Variants in COL2A1 observed in about 807,000 individuals in gnomAD.
The protein encoded by COL2A1 is collagen type II alpha 1 chain, also known as collagen alpha-1(II) chain.
In COL2A1, 28 loss-of-function variants were observed where a neutral mutation model predicts 204.5. The observed-to-expected ratio is 0.14, with a 90% CI of 0.10 to 0.19. COL2A1 has a LOEUF of 0.19. Among genes scored for constraint, COL2A1 ranks in the 10% least tolerant of loss-of-function variants. The probability of loss-of-function intolerance (pLI) is 1.00; values close to 1 mark genes in which losing one functional copy is unlikely to be tolerated. For missense variants in COL2A1, 1,388 were observed against 2,027.5 expected, an observed-to-expected ratio of 0.68 and a Z score of 6.06; for synonymous variants, 708 against 718.7, an observed-to-expected ratio of 0.99 and a Z score of 0.24.
chr12:47,985,698 G>C (rs1565681929), intron 25 of COL2A1, 30 bp downstream of exon 25: 1 of 1,612,564 alleles, frequency 6.2e-7, no homozygotes, highest in Non-Finnish European at 8.5e-7. Flanking sequence ...AGGGTCTGAA[G>C]CCAAGGGCAA....
chr12:47,982,355 A>G, intron 34 of COL2A1, 147 bp downstream of exon 34: 1 of 793,628 alleles, frequency 1.3e-6, no homozygotes, highest in East Asian at 2.6e-5. Flanking sequence ...AAAGGCAGGG[A>G]GCTTTGGAAA....
At position 47,997,924 on chromosome 12, in the gene COL2A1, C is replaced by T. The variant is rs1228023557; in HGVS notation, c.376G>A (p.Gly126Arg). 1.2e-6 allele frequency: 2 copies of T among 1,614,106 alleles called. No homozygotes were observed. Among genetic ancestry groups the T allele is most frequent in the Non-Finnish European group, 1.7e-6 (2 of 1,180,044 alleles). ...VGPKGPPGPQ[G>R]PAGEQGPRGD... ...CTGGGTCCTTGTTCCCCTGCAGGTCCCTGAAGGTGAAGAACATGGTAAGAT... is the reference window on the plus strand; with the variant it reads ...CTGGGTCCTTGTTCCCCTGCAGGTCTCTGAAGGTGAAGAACATGGTAAGAT... The change falls in exon 6 of 54, where the codon GGA (glycine) becomes AGA (arginine). Residue 126 changes from glycine to arginine, a missense_variant and splice_region_variant. This residue lies in a region of COL2A1 where 201 missense variants were observed against 242.4 expected (regional missense o/e 0.83). Transcript: ENST00000380518.
intron 53 of COL2A1, among the ~76,000 whole-genome samples, chr12:47,973,783 C>T (rs1938553007): frequency 6.6e-6 from 1 of 152,190 alleles, no homozygotes; most frequent in African/African-American, 2.4e-5. Context: ...TCCTTCCCCA[C>T]TCCCCACAGT....
Position 47,978,885 on chromosome 12 carries a change from G to T in COL2A1, c.2734-127C>A. On this transcript the variant is annotated intron_variant, in intron 41 of 53. Coordinates refer to ENST00000380518, the MANE Select transcript of COL2A1 (RefSeq NM_001844.5). This position sits in a 1 kb window ranked among gnomAD's most constrained non-coding sequence, Gnocchi z 5.5. Reference sequence around the variant, plus strand: ...GCTTCTCTACCTCCCCACACTAAGGGCAGGCAGCTTAACCCCCCCAACCCC... The same window carrying T: ...GCTTCTCTACCTCCCCACACTAAGGTCAGGCAGCTTAACCCCCCCAACCCC... 1 of 974,632 alleles carries T rather than the reference G, an allele frequency of 1.0e-6. No homozygotes were observed. Among genetic ancestry groups the T allele is most frequent in the Non-Finnish European group, 1.6e-6 (1 of 632,386 alleles). The allele number at this position is 974,632 out of a possible 1,614,324, so 60.4% of individuals were successfully genotyped here. A position where few individuals can be genotyped will look rare whatever the true frequency, so the allele number is the denominator to read the frequency against.
In COL2A1 at chr12:47,980,275, C is replaced by T. The variant is rs1030847385; in HGVS notation, c.2626-213G>A. ...GAAGCCTGTCAGGCAACCACAGAACCGGTCTGGGGTCTGGCCTCCCGGGAA... is the reference window on the plus strand; with the variant it reads ...GAAGCCTGTCAGGCAACCACAGAACTGGTCTGGGGTCTGGCCTCCCGGGAA... On this transcript the variant is annotated intron_variant, in intron 39 of 53. Transcript: ENST00000380518. The surrounding 1 kb of genome is among the most constrained non-coding windows in gnomAD (Gnocchi z 4.5). 2.0e-5 allele frequency among the ~76,000 whole-genome samples: 3 copies of T among 152,168 alleles called. No individual in the cohort carries two copies. Among genetic ancestry groups the T allele is most frequent in the Admixed American group, 6.5e-5 (1 of 15,284 alleles).
rs981239138 is a variant in COL2A1, at chr12:47,983,928, A to T, written c.1941+159T>A. The T allele has an allele frequency of 9.5e-5, 88 of 926,002 alleles. No individual in the cohort carries two copies. The Middle Eastern group carries it at 1.9e-3, about 19-fold the overall frequency. 57.4% of individuals were successfully genotyped at this position (926,002 alleles called of 1,614,324 possible). ...CCTCTCCACCAATGTGGGTCCACAC[A>T]GCCTCCTGGGACACCCTGCCTCAGC... is the stretch of plus-strand genomic sequence containing the variant. On this transcript the variant is annotated intron_variant, in intron 29 of 53. Coordinates refer to ENST00000380518, the MANE Select transcript of COL2A1 (RefSeq NM_001844.5).
chr12:47,979,422 G>T (rs983339359), intron 41 of COL2A1, 89 bp downstream of exon 41: 57 of 1,390,532 alleles, frequency 4.1e-5, no homozygotes, highest in Non-Finnish European at 5.7e-5. Context: ...AGGAGTGAAG[G>T]CCAGCCTGGA....
Position 47,973,439 on chromosome 12 carries a change from C to T in COL2A1, c.4432G>A (p.Gly1478Ser), listed in dbSNP as rs1400762548. Residue 1478 changes from glycine (G) to serine (S), a missense_variant, in exon 54 of 54, where the codon GGT becomes AGT. Around this residue, in one of 3 missense-constraint regions of COL2A1, gnomAD observed 303 missense variants for 369.2 expected, o/e 0.82. Transcript: ENST00000380518. ...AAGCAGACCGGCCCTATGTCCACAC[C>T]GAATTCCTGCTCGGGCCCTCCTATG... ...MDIGGPEQEF[G>S]VDIGPVCFL is the part of the protein sequence containing the mutation. 1.2e-5 allele frequency: 19 copies of T among 1,613,974 alleles called. No individual in the cohort carries two copies. Among genetic ancestry groups the T allele is most frequent in the African/African-American group, 5.3e-5 (4 of 74,874 alleles).
At chr12:47,999,864 T>C (rs1940149610) in intron 2 of COL2A1, 55 bp downstream of exon 2, 3 of 1,482,982 alleles carry the variant, frequency 2.0e-6, no homozygotes, top group Admixed American at 3.4e-5. Context: ...GGAGCGTGTT[T>C]GCAGTGCTTG....
At chr12:47,979,123 G>A (rs957504768) in intron 41 of COL2A1, among the ~76,000 whole-genome samples, 7 of 151,922 alleles carry the variant, frequency 4.6e-5, no homozygotes, top group Non-Finnish European at 1.0e-4. Flanking sequence ...TGCCTATGGC[G>A]CTGGTGAACC....
chr12:47,986,202 G>A (rs1326919435), intron 23 of COL2A1, 134 bp downstream of exon 23: 20 of 767,608 alleles, frequency 2.6e-5, no homozygotes, highest in Middle Eastern at 2.2e-4. Flanking sequence ...CCCTCTCCCC[G>A]CGGTGTGGAT....
intron 14 of COL2A1, 130 bp from the exon 15 acceptor site, chr12:47,993,632 A>G: frequency 9.2e-7 from 1 of 1,087,842 alleles, no homozygotes; most frequent in African/African-American, 1.5e-5. Context: ...TGTGAGGGAC[A>G]ATGCCCTGAG....
At chr12:47,995,986 T>G in intron 8 of COL2A1, 67 bp from the exon 9 acceptor site, 1 of 1,320,320 alleles carries the variant, frequency 7.6e-7, no homozygotes, top group East Asian at 2.3e-5. Context: ...GTGTGCCATC[T>G]TCTCCCAGCC....
At chr12:47,999,791 C>T in intron 2 of COL2A1, 128 bp downstream of exon 2, 1 of 791,406 alleles carries the variant, frequency 1.3e-6, no homozygotes, top group Non-Finnish European at 2.1e-6. Flanking sequence ...TCCTTTCTAC[C>T]CCAGCTACCA....
Position 47,986,902 on chromosome 12 carries a change from G to A in COL2A1, c.1366-14C>T. 6.2e-7 allele frequency: 1 copy of A among 1,614,126 alleles called. No individual in the cohort carries two copies. Among genetic ancestry groups the A allele is most frequent in the East Asian group, 2.2e-5 (1 of 44,878 alleles). Reference sequence around the variant, plus strand: ...ACCAGGTTCACCCTTGAAAAGAGAGGCAGGTCCTCACACCAGATTCTCTCC... The same window carrying A: ...ACCAGGTTCACCCTTGAAAAGAGAGACAGGTCCTCACACCAGATTCTCTCC... On this transcript the variant is annotated splice_polypyrimidine_tract_variant and intron_variant, in intron 21 of 53. Coordinates refer to ENST00000380518, the MANE Select transcript of COL2A1 (RefSeq NM_001844.5).
chr12:47,989,887 G>A (rs1211979584), intron 16 of COL2A1, 82 bp from the exon 17 acceptor site: 7 of 1,367,592 alleles, frequency 5.1e-6, no homozygotes, highest in African/African-American at 2.8e-5. Flanking sequence ...TACAGAAAAC[G>A]AAGGACACAC....
rs1436601677 is a variant in COL2A1 at position 47,973,210 on chromosome 12, G to GA, written c.*196dup. 1 of 695,648 alleles carries GA rather than the reference G, an allele frequency of 1.4e-6. No individual in the cohort carries two copies. The highest frequency in any genetic ancestry group is 1.8e-5 in the African/African-American group (1 of 56,128). The allele number at this position is 695,648 out of a possible 1,614,324, so 43.1% of individuals were successfully genotyped here. On this transcript the variant is annotated 3_prime_UTR_variant, in exon 54 of 54. Coordinates refer to ENST00000380518, the MANE Select transcript of COL2A1 (RefSeq NM_001844.5). The stretch of plus-strand genomic sequence containing the variant: ...GAAGACAATAAATAAATAGAACACC[G>GA]AGATTTTATTTTGCAGTCTGCCCAG...
intron 33 of COL2A1, 55 bp from the exon 34 acceptor site, chr12:47,982,664 A>T: frequency 7.1e-7 from 1 of 1,398,754 alleles, no homozygotes; most frequent in Non-Finnish European, 1.0e-6. Context: ...CCCTGAACCC[A>T]TGTTCATGGA....
rs41317925 is a variant in COL2A1, at chr12:47,985,948, G to T, written c.1545C>A (p.Arg515=). 22,852 of 1,551,604 alleles carry T rather than the reference G, an allele frequency of 0.015. 214 individuals carry two copies. Among genetic ancestry groups the T allele is most frequent in the Non-Finnish European group, 0.018 (20,948 of 1,146,970 alleles). The change falls in exon 24 of 54, where the codon CGC becomes CGA. Residue 515 remains arginine (R), a synonymous_variant. Coordinates refer to ENST00000380518, the MANE Select transcript of COL2A1 (RefSeq NM_001844.5). ...CCAGACCATCTTGACCTGGGAAACC[G>T]CGGTTGCCGGGAGCACCCTAAGGAG... is the stretch of plus-strand genomic sequence containing the variant. ...PPGERGAPGN[R]GFPGQDGLAG...
Sources: gnomAD v4.1 joint callset for allele counts (sites outside exome capture counted in the v4.1 genomes callset) on GRCh38, gnomAD v4.1.1 for gene constraint, gnomAD v4.1.1 regional missense constraint, Gnocchi (gnomAD v3.1) non-coding constraint, MANE v1.5 for transcripts, NCBI Gene and HGNC (gene_info 2026-07-23, HGNC 2026-07-21) for gene names.